Variants in FOXP2 observed in about 807,000 individuals in gnomAD.
FOXP2 encodes forkhead box P2, also known as forkhead box protein P2.
In FOXP2, 12 loss-of-function variants were observed where a neutral mutation model predicts 115.8. The observed-to-expected ratio is 0.10, with a 90% CI of 0.07 to 0.17. FOXP2 has a LOEUF of 0.17. FOXP2 is among the 10% of genes least tolerant of loss of function. The pLI is 1.00. For missense variants in FOXP2, 629 were observed against 843.5 expected (o/e 0.75, Z 3.15); for synonymous variants, 328 against 297.7 (o/e 1.10, Z -1.05).
At chr7:114,564,817 G>A (rs918394071) in intron 3 of FOXP2, among the ~76,000 whole-genome samples, 5 of 150,494 alleles carry the variant, frequency 3.3e-5, no homozygotes, top group African/African-American at 1.2e-4. Context: ...AGTGGTGGAT[G>A]CTGCAGTGAG....
At chr7:114,650,374 A>G (rs1806179947) in intron 8 of FOXP2, among the ~76,000 whole-genome samples, 1 of 152,050 alleles carries the variant, frequency 6.6e-6, no homozygotes, top group Non-Finnish European at 1.5e-5. Flanking sequence ...GAAAATATGC[A>G]ACATTTTTTC....
chr7:114,485,392 A>G (rs1796729207), intron 2 of FOXP2, among the ~76,000 whole-genome samples: 1 of 151,970 alleles, frequency 6.6e-6, no homozygotes, highest in African/African-American at 2.4e-5. Flanking sequence ...TAGAAATACT[A>G]ATATTATGTT....
intron 3 of FOXP2, among the ~76,000 whole-genome samples, chr7:114,622,381 G>A (rs1321756420): frequency 6.6e-6 from 1 of 151,918 alleles, no homozygotes; most frequent in Non-Finnish European, 1.5e-5. Flanking sequence ...GTAAATGAAT[G>A]TGTGTGTAAA....
At chr7:114,334,650 A>C (rs1265292700) in intron 2 of FOXP2, among the ~76,000 whole-genome samples, 1 of 150,314 alleles carries the variant, frequency 6.7e-6, no homozygotes, top group Admixed American at 6.6e-5. Flanking sequence ...AGGAAAAAAA[A>C]CCCATAGAGA....
In FOXP2 at chr7:114,586,919, T is replaced by C. The variant is rs976857955; in HGVS notation, c.259-41621T>C. On this transcript the variant is annotated intron_variant, in intron 3 of 16. Coordinates refer to ENST00000350908, the MANE Select transcript of FOXP2 (RefSeq NM_014491.4). ...CGCTATTGCAATGCACTTATAAAAA[T>C]GTACTTTGTACTAGTAAAGGTAGTT... Among the ~76,000 whole-genome samples, 6 of 152,300 alleles carry C rather than the reference T, an allele frequency of 3.9e-5. No individual in the cohort carries two copies. The South Asian group carries it at 1.2e-3, about 32-fold the overall frequency.
chr7:114,673,621 A>G (rs1205417624), intron 16 of FOXP2, among the ~76,000 whole-genome samples: 1 of 152,188 alleles, frequency 6.6e-6, no homozygotes, highest in Non-Finnish European at 1.5e-5. Context: ...AGAAATGTTG[A>G]TATACATATA....
intron 3 of FOXP2, among the ~76,000 whole-genome samples, chr7:114,596,438 C>A (rs530827653): frequency 6.6e-6 from 1 of 152,136 alleles, no homozygotes; most frequent in Admixed American, 6.6e-5. Context: ...AAGTCAGGTG[C>A]CCCTGAGAGA....
In FOXP2 at chr7:114,415,302, CTT is replaced by C. The variant is rs1793287338; in HGVS notation, c.-67_-66del. 2 of 453,470 alleles carry C rather than the reference CTT, an allele frequency of 4.4e-6. No homozygotes were observed. Among genetic ancestry groups the C allele is most frequent in the Non-Finnish European group, 8.8e-6 (2 of 226,626 alleles). The allele number at this position is 453,470 out of a possible 1,614,324, so 28.1% of individuals were successfully genotyped here. A position where few individuals can be genotyped will look rare whatever the true frequency, so the allele number is the denominator to read the frequency against. On this transcript the variant is annotated 5_prime_UTR_variant, in exon 1 of 17. Transcript: ENST00000350908. ...TTTGAATCTTCCTAATTTTTCATCT[CTT>C]TAACAAACTCCTATGAAGTTGAAAC...
At chr7:114,205,662 C>G (rs535338512) in intron 1 of FOXP2, among the ~76,000 whole-genome samples, 109 of 152,110 alleles carry the variant, frequency 7.2e-4, no homozygotes, top group African/African-American at 2.3e-3. Context: ...TTTTTGAGAT[C>G]AAACCTTTGG....
chr7:114,679,317 A>G (rs969168761), intron 16 of FOXP2, among the ~76,000 whole-genome samples: 1 of 152,200 alleles, frequency 6.6e-6, no homozygotes, highest in Non-Finnish European at 1.5e-5. Flanking sequence ...TCCACAATCT[A>G]TAAATTCTTC....
chr7:114,385,471 GC>G (rs1416883453), intron 2 of FOXP2, among the ~76,000 whole-genome samples: 1 of 152,172 alleles, frequency 6.6e-6, no homozygotes, highest in Non-Finnish European at 1.5e-5. Flanking sequence ...GCCGGCTACT[GC>G]CAGGAGTTCG....
chr7:114,542,344 C>A (rs887556615), intron 3 of FOXP2, among the ~76,000 whole-genome samples: 1 of 152,064 alleles, frequency 6.6e-6, no homozygotes, highest in African/African-American at 2.4e-5. Context: ...TAAAACCGTG[C>A]CCATTCTTAC....
intron 1 of FOXP2, among the ~76,000 whole-genome samples, chr7:114,243,379 G>C (rs1460672977): frequency 1.3e-5 from 2 of 151,708 alleles, no homozygotes; most frequent in Non-Finnish European, 3.0e-5. Context: ...AAGCACATGT[G>C]AGTTTGAAAT....
chr7:114,087,859 G>A (rs367902047), intron 1 of FOXP2: 1 of 152,064 alleles, frequency 6.6e-6, no homozygotes, highest in East Asian at 1.9e-4. Flanking sequence ...TAGGGCACCT[G>A]GCGCATGGGG....
chr7:114,417,014 A>C (rs1414897165), intron 1 of FOXP2, among the ~76,000 whole-genome samples: 1 of 151,932 alleles, frequency 6.6e-6, no homozygotes, highest in Non-Finnish European at 1.5e-5. Flanking sequence ...TGGATAGATA[A>C]TTTGTTTACT....
chr7:114,429,129 G>C (rs1584724030), intron 2 of FOXP2, among the ~76,000 whole-genome samples: 1 of 151,346 alleles, frequency 6.6e-6, no homozygotes, highest in South Asian at 2.1e-4. Context: ...TGAGTAGTTT[G>C]ACTTAAATTA....
chr7:114,567,631 C>A (rs909415585), intron 3 of FOXP2, among the ~76,000 whole-genome samples: 1 of 152,068 alleles, frequency 6.6e-6, no homozygotes, highest in African/African-American at 2.4e-5. Context: ...CTTAAAATAT[C>A]CATTCACATT....
chr7:114,101,539 T>C (rs1359021830), intron 1 of FOXP2, among the ~76,000 whole-genome samples: 1 of 152,160 alleles, frequency 6.6e-6, no homozygotes, highest in Non-Finnish European at 1.5e-5. Flanking sequence ...ATTTTTAACA[T>C]GTCTATGGCA....
At chr7:114,490,163 C>G (rs984625034) in intron 2 of FOXP2, among the ~76,000 whole-genome samples, 1 of 152,090 alleles carries the variant, frequency 6.6e-6, no homozygotes, top group Admixed American at 6.6e-5. Flanking sequence ...AGCATGGAAG[C>G]AACCAAGATG....
Sources: gnomAD v4.1 joint callset for allele counts (sites outside exome capture counted in the v4.1 genomes callset) on GRCh38, gnomAD v4.1.1 for gene constraint, MANE v1.5 for transcripts, NCBI Gene and HGNC (gene_info 2026-07-23, HGNC 2026-07-21) for gene names.